Variants in ROBO2 observed in about 807,000 individuals in gnomAD.
ROBO2 encodes roundabout guidance receptor 2.
Under a neutral mutation model 160.8 loss-of-function variants are expected in ROBO2, and 53 were observed. The observed-to-expected ratio is 0.33, with a 90% CI of 0.26 to 0.41. The LOEUF is 0.41. ROBO2 is among the 10% of genes least tolerant of loss of function. The pLI, the probability that ROBO2 is intolerant of heterozygous loss-of-function variation, is 1.00. For missense variants in ROBO2, 1,577 were observed against 1,722.4 expected, an observed-to-expected ratio of 0.92 and a Z score of 1.49; for synonymous variants, 664 against 611.7, an observed-to-expected ratio of 1.09 and a Z score of -1.26.
chr3:76,501,889 G>A (rs1471809622), intron 2 of ROBO2, among the ~76,000 whole-genome samples: 1 of 152,070 alleles, frequency 6.6e-6, no homozygotes, highest in Non-Finnish European at 1.5e-5. Context: ...TTGACTTATT[G>A]TCAAAAGGAC....
At chr3:77,606,057 C>T (rs2094520561) in intron 20 of ROBO2, among the ~76,000 whole-genome samples, 1 of 152,148 alleles carries the variant, frequency 6.6e-6, no homozygotes, top group Non-Finnish European at 1.5e-5. Context: ...TAAGGTTCAT[C>T]TACCTTAAAG....
chr3:77,636,847 G>A (rs2095272098), intron 24 of ROBO2, among the ~76,000 whole-genome samples: 1 of 152,142 alleles, frequency 6.6e-6, no homozygotes, highest in Non-Finnish European at 1.5e-5. Context: ...TAGCTTTACA[G>A]AATATAGTCT....
At chr3:77,063,799 T>C (rs950580931) in intron 1 of ROBO2, among the ~76,000 whole-genome samples, 6 of 152,200 alleles carry the variant, frequency 3.9e-5, no homozygotes, top group African/African-American at 1.4e-4. Flanking sequence ...CCAAAACTAC[T>C]GGTTTCCATT....
At chr3:76,446,568 A>T (rs2077193423) in intron 2 of ROBO2, among the ~76,000 whole-genome samples, 1 of 152,128 alleles carries the variant, frequency 6.6e-6, no homozygotes, top group Non-Finnish European at 1.5e-5. Context: ...ACCAAAAAAG[A>T]GCCCGCACTG....
intron 5 of ROBO2, among the ~76,000 whole-genome samples, chr3:77,510,038 G>A (rs943699782): frequency 1.3e-5 from 2 of 151,966 alleles, no homozygotes; most frequent in Admixed American, 1.3e-4. Context: ...GAATTCTGGG[G>A]TATAGTTGAG....
intron 2 of ROBO2, among the ~76,000 whole-genome samples, chr3:76,580,274 G>T (rs1485291400): frequency 1.6e-5 from 2 of 121,974 alleles, no homozygotes; most frequent in African/African-American, 6.1e-5. Flanking sequence ...GAGCCTGGTT[G>T]CTCTTTCTTA....
intron 2 of ROBO2, among the ~76,000 whole-genome samples, chr3:76,377,952 G>A (rs2076430869): frequency 6.6e-6 from 1 of 152,060 alleles, no homozygotes; most frequent in African/African-American, 2.4e-5. Flanking sequence ...TGCATTGCTA[G>A]GAGCACGTGT....
intron 2 of ROBO2, among the ~76,000 whole-genome samples, chr3:75,967,776 G>A (rs1949170814): frequency 6.6e-6 from 1 of 151,220 alleles, no homozygotes; most frequent in South Asian, 2.1e-4. Flanking sequence ...ACACAATCAA[G>A]ATGGCAGAGA....
intron 1 of ROBO2, among the ~76,000 whole-genome samples, chr3:75,920,662 T>A (rs531872222): frequency 4.2e-4 from 64 of 152,290 alleles, no homozygotes; most frequent in African/African-American, 1.4e-3. Flanking sequence ...TGTGGGAGTC[T>A]AAGTCTCCTT....
At chr3:76,257,392 C>T (rs1217505873) in intron 2 of ROBO2, among the ~76,000 whole-genome samples, 3 of 152,100 alleles carry the variant, frequency 2.0e-5, no homozygotes, top group South Asian at 2.1e-4. Flanking sequence ...ATAATATCTA[C>T]TTGGCCCTAA....
chr3:77,118,238 G>C (rs1022614474), intron 2 of ROBO2, among the ~76,000 whole-genome samples: 1 of 152,122 alleles, frequency 6.6e-6, no homozygotes. Context: ...CTCAGAGCTG[G>C]CTTGGAAAAT....
At chr3:76,865,352 T>C (rs2071256960) in intron 2 of ROBO2, among the ~76,000 whole-genome samples, 1 of 151,020 alleles carries the variant, frequency 6.6e-6, no homozygotes, top group Admixed American at 6.6e-5. Context: ...CTTAACATTG[T>C]TATTAGATTC....
chr3:76,645,543 T>C (rs1221824524), intron 2 of ROBO2, among the ~76,000 whole-genome samples: 1 of 152,098 alleles, frequency 6.6e-6, no homozygotes, highest in Non-Finnish European at 1.5e-5. Context: ...GTAAGTGTTA[T>C]AAGGAAAGTA....
chr3:76,954,229 C>T (rs914658267), intron 2 of ROBO2, among the ~76,000 whole-genome samples: 2 of 152,182 alleles, frequency 1.3e-5, no homozygotes, highest in Admixed American at 6.5e-5. Context: ...ATGTGTCCTA[C>T]AGAAAAGGAC....
chr3:77,317,891 GCTGCTAGGGGC>G (rs2064223567), intron 2 of ROBO2, among the ~76,000 whole-genome samples: 1 of 88,710 alleles, frequency 1.1e-5, no homozygotes, highest in Non-Finnish European at 2.3e-5. Context: ...CTGCTGGGGG[GCTGCTAGGGGC>G]GCTGCTGGGG....
intron 2 of ROBO2, among the ~76,000 whole-genome samples, chr3:76,383,313 A>C (rs1047709479): frequency 1.3e-5 from 2 of 152,164 alleles, no homozygotes; most frequent in African/African-American, 4.8e-5. Context: ...TGAATAGAGA[A>C]TATATTCAGT....
intron 2 of ROBO2, among the ~76,000 whole-genome samples, chr3:76,215,837 C>T (rs1336500456): frequency 1.3e-5 from 2 of 152,100 alleles, no homozygotes; most frequent in Non-Finnish European, 2.9e-5. Context: ...TCGAGAAGAA[C>T]AGCTCCAAGA....
At chr3:77,500,827 C>T (rs910471577) in intron 5 of ROBO2, among the ~76,000 whole-genome samples, 8 of 152,150 alleles carry the variant, frequency 5.3e-5, no homozygotes, top group African/African-American at 1.9e-4. Flanking sequence ...ACCACATTGG[C>T]CCATCTGTTA....
chr3:77,560,014 C>A (rs2093268656), intron 9 of ROBO2, among the ~76,000 whole-genome samples: 1 of 152,098 alleles, frequency 6.6e-6, no homozygotes, highest in Non-Finnish European at 1.5e-5. Context: ...ACTTTAACCT[C>A]TATTTCTGGG....
Sources: gnomAD v4.1 joint callset for allele counts (sites outside exome capture counted in the v4.1 genomes callset) on GRCh38, gnomAD v4.1.1 for gene constraint, MANE v1.5 for transcripts, NCBI Gene and HGNC (gene_info 2026-07-23, HGNC 2026-07-21) for gene names.